The following ESRRA variants were observed in gnomAD, a reference collection of about 807,000 sequenced individuals.
ESRRA encodes steroid hormone receptor ERR1.
In ESRRA, 7 loss-of-function variants were observed where a neutral mutation model predicts 35.6. The observed-to-expected ratio is 0.20, with a 90% CI of 0.11 to 0.37. The LOEUF is 0.37. Among genes scored for constraint, ESRRA ranks in the 10% least tolerant of loss-of-function variants. The pLI is 1.00. For synonymous variants in ESRRA, 223 were observed against 246.9 expected (o/e 0.90, Z 0.91); for missense variants, 378 against 561.7 (o/e 0.67, Z 3.31).
intron 2 of ESRRA, among the ~76,000 whole-genome samples, chr11:64,312,641 C>T (rs41294406): frequency 0.017 from 2,562 of 152,288 alleles, 85 homozygotes; most frequent in African/African-American, 0.056. Context: ...GGTGGAGCTG[C>T]CACTGAAGGG....
intron 2 of ESRRA, among the ~76,000 whole-genome samples, chr11:64,312,328 C>CG (rs1283807336): frequency 2.2e-4 from 34 of 152,058 alleles, no homozygotes; most frequent in African/African-American, 8.2e-4. Context: ...TTAGTAGAGA[C>CG]GGGGTTTTAC....
rs775355145 is a variant in ESRRA at position 64,315,900 on chromosome 11, G to A, written c.1206G>A (p.Val402=). Residue 402 remains valine (V), a synonymous_variant, in exon 7 of 7, where the codon GTG becomes GTA. Coordinates refer to ENST00000000442, the MANE Select transcript of ESRRA (RefSeq NM_004451.5). ...AGKVLAHFYG[V]KLEGKVPMHK... ...AAGTGCTGGCCCATTTCTATGGGGT[G>A]AAGCTGGAGGGCAAGGTGCCCATGC... The A allele has an allele frequency of 6.2e-7, 1 of 1,605,828 alleles. No individual in the cohort carries two copies. The highest frequency in any genetic ancestry group is 2.2e-5 in the East Asian group (1 of 44,682).
chr11:64,309,995 T>A (rs2035108758), intron 2 of ESRRA, among the ~76,000 whole-genome samples: 1 of 152,022 alleles, frequency 6.6e-6, no homozygotes, highest in South Asian at 2.1e-4. Flanking sequence ...TATTCTTTTA[T>A]GATCTCAGTT....
At chr11:64,311,774 C>A (rs1425536830) in intron 2 of ESRRA, among the ~76,000 whole-genome samples, 1 of 150,024 alleles carries the variant, frequency 6.7e-6, no homozygotes, top group Non-Finnish European at 1.5e-5. Context: ...CTTACTGCAA[C>A]CTCCGCCTCC....
intron 2 of ESRRA, among the ~76,000 whole-genome samples, chr11:64,312,166 G>T (rs1416519803): frequency 7.0e-6 from 1 of 142,420 alleles, no homozygotes; most frequent in Non-Finnish European, 1.5e-5. Flanking sequence ...TCGAGATGGA[G>T]TCTCACTGTG....
In ESRRA at chr11:64,313,528, T is replaced by C. The variant is rs1793758428; in HGVS notation, c.326-423T>C. Among the ~76,000 whole-genome samples, 1 of 151,464 alleles carries C rather than the reference T, an allele frequency of 6.6e-6. No individual in the cohort carries two copies. The highest frequency in any genetic ancestry group is 2.4e-5 in the African/African-American group (1 of 41,148). ...TGGTGCGGTGGGAGGAAAACCAGAGTGTATGCTGTCCTAGAAGCAAAAGAA... is the reference window on the plus strand; with the variant it reads ...TGGTGCGGTGGGAGGAAAACCAGAGCGTATGCTGTCCTAGAAGCAAAAGAA... On this transcript the variant is annotated intron_variant, in intron 2 of 6. Coordinates refer to ENST00000000442, the MANE Select transcript of ESRRA (RefSeq NM_004451.5). This position sits in a 1 kb window ranked among gnomAD's most constrained non-coding sequence, Gnocchi z 4.0.
Position 64,315,257 on chromosome 11 carries a change from C to T in ESRRA, c.999C>T (p.Ala333=). 1 of 1,564,326 alleles carries T rather than the reference C, an allele frequency of 6.4e-7. No individual in the cohort carries two copies. The highest frequency in any genetic ancestry group is 8.7e-7 in the Non-Finnish European group (1 of 1,152,036). ...REEYVLLKAL[A]LANSDSVHIE... The stretch of plus-strand genomic sequence containing the variant: ...AGTATGTTCTACTAAAGGCCTTGGC[C>T]CTTGCCAATTCAGGTGAGTCTGGGG... Residue 333 remains alanine, a synonymous_variant, in exon 6 of 7, where the codon GCC becomes GCT. Coordinates refer to ENST00000000442, the MANE Select transcript of ESRRA (RefSeq NM_004451.5).
In ESRRA at chr11:64,315,289, C is replaced by G. The variant is rs755217125; in HGVS notation, c.1012+19C>G. 3.3e-6 allele frequency: 5 copies of G among 1,535,526 alleles called. No individual in the cohort carries two copies. In the Admixed American group the frequency reaches 8.1e-5, roughly 25 times the overall value. ...AATTCAGGTGAGTCTGGGGCAGGCA[C>G]TGACAGGTGAGGTGTCTCCGTAAGG... is the stretch of plus-strand genomic sequence containing the variant. On this transcript the variant is annotated intron_variant, in intron 6 of 6. Coordinates refer to ENST00000000442, the MANE Select transcript of ESRRA (RefSeq NM_004451.5).
At position 64,313,908 on chromosome 11, in the gene ESRRA, A is replaced by G. The variant is rs537919706; in HGVS notation, c.326-43A>G. On this transcript the variant is annotated intron_variant, in intron 2 of 6. Coordinates refer to ENST00000000442, the MANE Select transcript of ESRRA (RefSeq NM_004451.5). This position sits in a 1 kb window ranked among gnomAD's most constrained non-coding sequence, Gnocchi z 4.0. ...TCTCCTGTCAGCTGGGTCCCCTCCC[A>G]GCCCCGGGAGGCCGCCACTGGAGCC... 8.4e-6 allele frequency: 12 copies of G among 1,423,952 alleles called. No homozygotes were observed. In the African/African-American group the frequency reaches 1.3e-4, roughly 15 times the overall value. The allele number at this position is 1,423,952 out of a possible 1,614,324, so 88.2% of individuals were successfully genotyped here.
Position 64,313,018 on chromosome 11 carries a change from A to G in ESRRA, c.326-933A>G, listed in dbSNP as rs1420784229. Among the ~76,000 whole-genome samples the G allele has an allele frequency of 2.0e-5, 3 of 152,182 alleles. No homozygotes were observed. The highest frequency in any genetic ancestry group is 2.9e-5 in the Non-Finnish European group (2 of 68,034). On this transcript the variant is annotated intron_variant, in intron 2 of 6. Transcript: ENST00000000442. This position sits in a 1 kb window ranked among gnomAD's most constrained non-coding sequence, Gnocchi z 4.0. ...AGAGGGTTTTGAGAAGAGGAGGTAC[A>G]GGATGTAATGGAGGCTTAATAGGAC...
Position 64,314,862 on chromosome 11 carries a change from C to G in ESRRA, c.693C>G (p.Leu231=). ...HLPAVATLCD[L]FDREIVVTIS... ...CAGCCGTGGCTACCCTCTGTGACCT[C>G]TTTGACCGAGAGATTGTGGTCACCA... Residue 231 remains leucine (L), a synonymous_variant, in exon 5 of 7, where the codon CTC becomes CTG. Transcript: ENST00000000442. 6.2e-7 allele frequency: 1 copy of G among 1,612,494 alleles called. No homozygotes were observed. Among genetic ancestry groups the G allele is most frequent in the South Asian group, 1.1e-5 (1 of 91,050 alleles).
In ESRRA at chr11:64,313,670, T is replaced by C. The variant is rs1466209500; in HGVS notation, c.326-281T>C. ...ACTGGATTTAGCAATGCAGAGGTCC[T>C]TGTGGCCCTTGATGTCGGCAGATGA... On this transcript the variant is annotated intron_variant, in intron 2 of 6. Transcript: ENST00000000442. This position sits in a 1 kb window ranked among gnomAD's most constrained non-coding sequence, Gnocchi z 4.0. The C allele has an allele frequency of 5.3e-6, 2 of 377,150 alleles. No individual in the cohort carries two copies. The highest frequency in any genetic ancestry group is 9.6e-6 in the Non-Finnish European group (2 of 208,448). 23.4% of individuals were successfully genotyped at this position (377,150 alleles called of 1,614,324 possible).
chr11:64,310,107 C>A (rs2035110586), intron 2 of ESRRA, among the ~76,000 whole-genome samples: 1 of 152,134 alleles, frequency 6.6e-6, no homozygotes, highest in African/African-American at 2.4e-5. Flanking sequence ...AATGGCAGAA[C>A]CAAGATTTGA....
intron 2 of ESRRA, among the ~76,000 whole-genome samples, chr11:64,311,135 T>C (rs1363989545): frequency 2.0e-5 from 3 of 152,216 alleles, no homozygotes; most frequent in Non-Finnish European, 4.4e-5. Flanking sequence ...GCTGGGAAAC[T>C]GAGGGTTCAA....
At position 64,315,843 on chromosome 11, in the gene ESRRA, C is replaced by A. The variant is rs775302101; in HGVS notation, c.1149C>A (p.Leu383=). Residue 383 remains leucine, a synonymous_variant, in exon 7 of 7, where the codon CTC becomes CTA. Transcript: ENST00000000442. The part of the protein sequence containing the change: ...AERRRAGRLL[L]TLPLLRQTAG... ...GGCGGCGGGCGGGCAGGCTGCTGCT[C>A]ACGCTACCGCTCCTCCGCCAGACAG... 1 of 1,611,228 alleles carries A rather than the reference C, an allele frequency of 6.2e-7. No individual in the cohort carries two copies. Among genetic ancestry groups the A allele is most frequent in the Admixed American group, 1.7e-5 (1 of 59,926 alleles).
chr11:64,307,895 T>A (rs1235991613), intron 2 of ESRRA, among the ~76,000 whole-genome samples: 1 of 152,044 alleles, frequency 6.6e-6, no homozygotes, highest in Non-Finnish European at 1.5e-5. Flanking sequence ...AGGCAGATTT[T>A]AATTTTTTTT....
chr11:64,311,982 C>CATTTTTTTTTTTT (rs2035148943), intron 2 of ESRRA, among the ~76,000 whole-genome samples: 1 of 68,394 alleles, frequency 1.5e-5, no homozygotes, highest in Non-Finnish European at 2.7e-5. Context: ...TGCGCCTGGC[C>CATTTTTTTTTTTT]TTTTTTTTTT....
chr11:64,315,147 G>T lies in ESRRA; in HGVS notation c.889G>T (p.Ala297Ser). 1 of 1,612,840 alleles carries T rather than the reference G, an allele frequency of 6.2e-7. No homozygotes were observed. The highest frequency in any genetic ancestry group is 1.1e-5 in the South Asian group (1 of 91,058). Residue 297 changes from alanine (A) to serine (S), a missense_variant, in exon 6 of 7, where the codon GCA (alanine) becomes TCA (serine). This residue lies in a region of ESRRA where 284 missense variants were observed against 411.7 expected (regional missense o/e 0.69). Transcript: ENST00000000442. The part of the protein sequence containing the change: ...AEDLVLDEEG[A>S]RAAGLGELGA... ...GGACTTAGTCCTGGATGAAGAGGGGGCACGGGCAGCTGGCCTGGGGGAACT... is the reference window on the plus strand; with the variant it reads ...GGACTTAGTCCTGGATGAAGAGGGGTCACGGGCAGCTGGCCTGGGGGAACT...
At chr11:64,310,091 C>G (rs2035110169) in intron 2 of ESRRA, among the ~76,000 whole-genome samples, 1 of 152,148 alleles carries the variant, frequency 6.6e-6, no homozygotes, top group Admixed American at 6.5e-5. Context: ...AGTCTCACAA[C>G]TAGGAAATGG....
Sources: gnomAD v4.1 joint callset for allele counts (sites outside exome capture counted in the v4.1 genomes callset) on GRCh38, gnomAD v4.1.1 for gene constraint, gnomAD v4.1.1 regional missense constraint, Gnocchi (gnomAD v3.1) non-coding constraint, MANE v1.5 for transcripts, NCBI Gene and HGNC (gene_info 2026-07-23, HGNC 2026-07-21) for gene names.